The following ZNF630 variants were observed in gnomAD, a reference collection of about 807,000 sequenced individuals.
The protein encoded by ZNF630 is zinc finger protein 630.
Under a neutral mutation model 7.2 loss-of-function variants are expected in ZNF630, and 5 were observed. The ratio of observed to expected loss-of-function variants is 0.70; its 90% CI spans 0.36 to 1.46. The LOEUF is 1.46. Ranked by LOEUF, ZNF630 falls within the 40% of genes most tolerant of loss-of-function variation. The pLI is 0.03. For synonymous variants in ZNF630, 158 were observed against 162.8 expected (o/e 0.97, Z 0.23); for missense variants, 461 against 477.0 (o/e 0.97, Z 0.31).
intron 1 of ZNF630, among the ~76,000 whole-genome samples, chrX:48,068,656 A>G (rs139907246): frequency 0.038 from 4,231 of 110,687 alleles, 82 homozygotes; most frequent in Middle Eastern, 0.073. Context: ...TTAAAAAGCA[A>G]CATGTCATAT....
At position 48,067,054 on chromosome X, in the gene ZNF630, A is replaced by G. The variant is rs1383103572; in HGVS notation, c.-168T>C. 1 of 531,542 alleles carries G rather than the reference A, an allele frequency of 1.9e-6. No individual in the cohort carries two copies. 43.8% of individuals were successfully genotyped at this position (531,542 alleles called of 1,213,427 possible). On this transcript the variant is annotated 5_prime_UTR_variant, in exon 2 of 5. Transcript: ENST00000276054. The stretch of plus-strand genomic sequence containing the variant: ...CTGACTCGGTAATTCCATTTCCGGA[A>G]CTTCGTCCTAAGGTAATAATCATGG...
At position 48,057,769 on chromosome X, in the gene ZNF630, A is replaced by T. The variant is rs1556908022; in HGVS notation, c.*699T>A. On this transcript the variant is annotated 3_prime_UTR_variant, in exon 5 of 5. Coordinates refer to ENST00000276054, the MANE Select transcript of ZNF630 (RefSeq NM_001282201.2). Reference sequence around the variant, plus strand: ...TATCAATATCTCAATCTAAATGCATATATAGGTCAGGTGCTGTGGCTCATG... The same window carrying T: ...TATCAATATCTCAATCTAAATGCATTTATAGGTCAGGTGCTGTGGCTCATG... Among the ~76,000 whole-genome samples, 2 of 111,486 alleles carry T rather than the reference A, an allele frequency of 1.8e-5. No homozygotes were observed.
Position 48,060,819 on chromosome X carries a change from C to T in ZNF630, c.142G>A (p.Gly48Arg), listed in dbSNP as rs781883402. Residue 48 changes from glycine (G) to arginine (R), a missense_variant and splice_region_variant, in exon 3 of 5, where the codon GGG (glycine) becomes AGG (arginine). Coordinates refer to ENST00000276054, the MANE Select transcript of ZNF630 (RefSeq NM_001282201.2). ...LETYNHLVSVGCSGIKPDVIF... is the reference protein window; with the variant it reads ...LETYNHLVSVRCSGIKPDVIF... ...TGGTACACAGGGAATCTGCCCTTAC[C>T]CACGGAGACCAGGTGATTATAGGTC... 5.0e-6 allele frequency: 6 copies of T among 1,192,813 alleles called. No individual in the cohort carries two copies. Among genetic ancestry groups the T allele is most frequent in the Non-Finnish European group, 3.4e-6 (3 of 884,552 alleles).
At chrX:48,066,848 C>T in intron 2 of ZNF630, 24 bp downstream of exon 2, 4 of 1,206,427 alleles carry the variant, frequency 3.3e-6, no homozygotes, top group Non-Finnish European at 4.5e-6. Context: ...TGTGGGAAAA[C>T]CAAGTGGCAA....
At position 48,066,892 on chromosome X, in the gene ZNF630, G is replaced by A; in HGVS notation, c.-6C>T. 8.3e-7 allele frequency: 1 copy of A among 1,206,206 alleles called. No homozygotes were observed. Among genetic ancestry groups the A allele is most frequent in the South Asian group, 1.8e-5 (1 of 56,576 alleles). ...CTTACCTGGGACTCAATCATTTTCT[G>A]TTTCTCTTTGGAAAGCAGTTGGGGG... On this transcript the variant is annotated 5_prime_UTR_variant, in exon 2 of 5. Transcript: ENST00000276054.
Position 48,069,100 on chromosome X carries a change from G to A in ZNF630, c.-175-2039C>T, listed in dbSNP as rs782265786. ...ACAAAAAATAAACAAAATTAGCCGG[G>A]CGTGGTGGTGCACACCTGTAGTCCT... On this transcript the variant is annotated intron_variant, in intron 1 of 4. Transcript: ENST00000276054. 1.0e-4 allele frequency among the ~76,000 whole-genome samples: 11 copies of A among 109,842 alleles called. No homozygotes were observed. In the East Asian group the frequency reaches 2.6e-3, roughly 26 times the overall value.
chrX:48,059,433 G>A lies in ZNF630; in HGVS notation c.1009C>T (p.His337Tyr). ...AFSRKSPFTV[H>Y]QRVHTGEKPY... ...TTCTCTCCAGTATGGACTCTCTGAT[G>A]AACAGTGAAAGGTGACTTCCGGGAG... Residue 337 changes from histidine (H) to tyrosine (Y), a missense_variant, in exon 5 of 5, where the codon CAT becomes TAT. Transcript: ENST00000276054. The A allele has an allele frequency of 1.7e-6, 2 of 1,208,076 alleles. No individual in the cohort carries two copies. The highest frequency in any genetic ancestry group is 2.2e-6 in the Non-Finnish European group (2 of 893,247).
rs1556908201 is a variant in ZNF630, at chrX:48,058,543, C to T, written c.1899G>A (p.Gly633=). The change falls in exon 5 of 5, where the codon GGG becomes GGA. Residue 633 remains glycine (G), a synonymous_variant. Coordinates refer to ENST00000276054, the MANE Select transcript of ZNF630 (RefSeq NM_001282201.2). ...AGTATACATGCTGGCAGAATGCCTTCCCACAGTCACTGCATCTGGAGGGTT... is the reference window on the plus strand; with the variant it reads ...AGTATACATGCTGGCAGAATGCCTTTCCACAGTCACTGCATCTGGAGGGTT... ...GEKPSRCSDC[G]KAFCQHVYFT... 2 of 1,207,030 alleles carry T rather than the reference C, an allele frequency of 1.7e-6. No homozygotes were observed. Among genetic ancestry groups the T allele is most frequent in the Admixed American group, 4.4e-5 (2 of 45,765 alleles).
intron 2 of ZNF630, among the ~76,000 whole-genome samples, chrX:48,063,884 T>C (rs183695579): frequency 9.0e-6 from 1 of 111,126 alleles, no homozygotes; most frequent in Non-Finnish European, 1.9e-5. Context: ...TGAGACTTTG[T>C]CTCAAAAAAA....
At chrX:48,061,282 A>C (rs1168110988) in intron 2 of ZNF630, among the ~76,000 whole-genome samples, 2 of 111,585 alleles carry the variant, frequency 1.8e-5, no homozygotes, top group African/African-American at 6.5e-5. Context: ...TAAATGAAAA[A>C]AGAGAAACTA....
At chrX:48,066,781 A>G in intron 2 of ZNF630, 91 bp downstream of exon 2, 1 of 1,104,897 alleles carries the variant, frequency 9.1e-7, no homozygotes, top group South Asian at 1.9e-5. Flanking sequence ...TTGATCATCT[A>G]TTCTCTCTAA....
rs782573637 is a variant in ZNF630, at chrX:48,059,238, G to A, written c.1204C>T (p.Pro402Ser). The change falls in exon 5 of 5, where the codon CCC (proline) becomes TCC (serine). Residue 402 changes from proline (P) to serine (S), a missense_variant. By Grantham distance (74) the Pro-to-Ser change is moderately conservative. Coordinates refer to ENST00000276054, the MANE Select transcript of ZNF630 (RefSeq NM_001282201.2). ...IHQITHTGKK[P>S]YECTECGKTF... ...TTCCCACATTCAGTACATTCATAGG[G>A]CTTCTTCCCAGTATGAGTTATCTGG... 3.3e-6 allele frequency: 4 copies of A among 1,206,780 alleles called. No individual in the cohort carries two copies. The highest frequency in any genetic ancestry group is 5.9e-5 in the East Asian group (2 of 33,708).
chrX:48,059,389 C>T lies in ZNF630; in HGVS notation c.1053G>A (p.Glu351=). The T allele has an allele frequency of 8.3e-7, 1 of 1,207,322 alleles. No homozygotes were observed. Among genetic ancestry groups the T allele is most frequent in the East Asian group, 3.0e-5 (1 of 33,755 alleles). ...HTGEKPYECF[E]CPKAFSQKSH... is the part of the protein sequence containing the mutation. The stretch of plus-strand genomic sequence containing the variant: ...ACTTCTGGGAGAAAGCTTTTGGACA[C>T]TCAAAACACTCATAGGGTTTCTCTC... The change falls in exon 5 of 5, where the codon GAG becomes GAA. Residue 351 remains glutamate, a synonymous_variant. Transcript: ENST00000276054.
At chrX:48,060,985 C>T (rs2059103084) in intron 2 of ZNF630, 40 bp from the exon 3 acceptor site, 1 of 1,145,383 alleles carries the variant, frequency 8.7e-7, no homozygotes, top group Admixed American at 2.3e-5. Context: ...TCGTTCTGGT[C>T]ATTTTTACCA....
chrX:48,059,042 G>A lies in ZNF630; in HGVS notation c.1400C>T (p.Ala467Val). 1.7e-6 allele frequency: 2 copies of A among 1,208,175 alleles called. No homozygotes were observed. The highest frequency in any genetic ancestry group is 2.2e-6 in the Non-Finnish European group (2 of 892,987). ...AGTGAGGTGTGACTTCTGGGAAAAG[G>A]CCTTCCCACAGTCAGTACACACATA... ...KPYVCTDCGKAFSQKSHLTGH... is the reference protein window; with the variant it reads ...KPYVCTDCGKVFSQKSHLTGH... Residue 467 changes from alanine to valine, a missense_variant, in exon 5 of 5, where the codon GCC (alanine) becomes GTC (valine). Coordinates refer to ENST00000276054, the MANE Select transcript of ZNF630 (RefSeq NM_001282201.2).
At position 48,059,275 on chromosome X, in the gene ZNF630, G is replaced by C. The variant is rs782037421; in HGVS notation, c.1167C>G (p.His389Gln). ...ECRKAFCEMSHLFIHQITHTG... is the reference protein window; with the variant it reads ...ECRKAFCEMSQLFIHQITHTG... ...TATGAGTTATCTGGTGTATAAAAAG[G>C]TGAGACATCTCACAGAAGGCTTTCC... Residue 389 changes from histidine to glutamine, a missense_variant, in exon 5 of 5, where the codon CAC becomes CAG. Coordinates refer to ENST00000276054, the MANE Select transcript of ZNF630 (RefSeq NM_001282201.2). 2.5e-6 allele frequency: 3 copies of C among 1,206,762 alleles called. No homozygotes were observed. The highest frequency in any genetic ancestry group is 2.2e-5 in the Admixed American group (1 of 45,650).
chrX:48,067,195 T>A (rs1489238261), intron 1 of ZNF630, 134 bp from the exon 2 acceptor site: 10 of 274,155 alleles, frequency 3.6e-5, no homozygotes, highest in African/African-American at 1.9e-4. Flanking sequence ...CAGGCAGCCC[T>A]TAAAAGCAAC....
chrX:48,061,069 C>A, intron 2 of ZNF630, 124 bp from the exon 3 acceptor site: 1 of 557,703 alleles, frequency 1.8e-6, no homozygotes, highest in Non-Finnish European at 2.6e-6. Context: ...TAAAACCCTG[C>A]CATTAGCAAG....
chrX:48,060,762 A>G, intron 3 of ZNF630, 57 bp downstream of exon 3: 1 of 1,128,756 alleles, frequency 8.9e-7, no homozygotes, highest in Non-Finnish European at 1.2e-6. Flanking sequence ...TATTGACAGC[A>G]CTAAAGGAAG....
Sources: allele counts gnomAD v4.1 joint callset (sites outside exome capture counted in the v4.1 genomes callset), GRCh38; gene constraint gnomAD v4.1.1; transcripts MANE v1.5; gene names NCBI Gene and HGNC (gene_info 2026-07-23, HGNC 2026-07-21).